PCDH15: variants seen among roughly 807,000 people sequenced by gnomAD.
PCDH15 encodes the protein protocadherin-15.
A neutral mutation model predicts 178.5 loss-of-function variants in PCDH15; 129 were observed. The observed-to-expected ratio is 0.72, with a 90% CI of 0.63 to 0.84. PCDH15 has a LOEUF of 0.84. PCDH15 is among the 40% of genes least tolerant of loss of function. The pLI is 0.00. For missense variants in PCDH15, 2,230 were observed against 2,099.9 expected (o/e 1.06, Z -1.21); for synonymous variants, 800 against 732.0 (o/e 1.09, Z -1.50).
In PCDH15 at chr10:53,861,023, G is replaced by A. The variant is rs548806619; in HGVS notation, c.3718-3760C>T. Among the ~76,000 whole-genome samples the A allele has an allele frequency of 3.9e-5, 6 of 152,072 alleles. No homozygotes were observed. The East Asian group carries it at 9.7e-4, about 25-fold the overall frequency. ...AATCTCCTGAATGTGCTAATGTCTG[G>A]TTTATGTAGAACACACACATTTTGA... On this transcript the variant is annotated intron_variant, in intron 27 of 37. Coordinates refer to ENST00000644397, the MANE Select transcript of PCDH15 (RefSeq NM_001384140.1).
intron 8 of PCDH15, among the ~76,000 whole-genome samples, chr10:54,309,785 T>C (rs1198244685): frequency 6.6e-6 from 1 of 150,892 alleles, no homozygotes; most frequent in Non-Finnish European, 1.5e-5. Context: ...AAAGTAAGAC[T>C]CCATCTCAAA....
chr10:55,107,361 A>G (rs1439354901), intron 2 of PCDH15, among the ~76,000 whole-genome samples: 1 of 152,226 alleles, frequency 6.6e-6, no homozygotes, highest in Non-Finnish European at 1.5e-5. Flanking sequence ...AGGCTTATCA[A>G]GACACTTTTA....
chr10:54,641,064 A>T (rs984468204), intron 2 of PCDH15: 1 of 276,358 alleles, frequency 3.6e-6, no homozygotes, highest in East Asian at 1.6e-4. Flanking sequence ...AGATGGTGCC[A>T]CTGCACTCCA....
At chr10:54,098,259 G>C (rs1429265711) in intron 15 of PCDH15, among the ~76,000 whole-genome samples, 2 of 150,390 alleles carry the variant, frequency 1.3e-5, no homozygotes, top group Non-Finnish European at 3.0e-5. Context: ...CAGAATACCT[G>C]TCCTAGGTTA....
chr10:54,079,566 T>C (rs923949436), intron 16 of PCDH15, 142 bp from the exon 17 acceptor site: 126 of 793,886 alleles, frequency 1.6e-4, no homozygotes, highest in Non-Finnish European at 2.4e-4. Context: ...TGTATAATAC[T>C]AAGATTCATT....
intron 25 of PCDH15, among the ~76,000 whole-genome samples, chr10:53,924,187 G>A (rs1340077074): frequency 1.3e-5 from 2 of 152,184 alleles, no homozygotes; most frequent in Non-Finnish European, 2.9e-5. Flanking sequence ...TGGAGGGAGA[G>A]GCGCAGGCGG....
At chr10:55,148,946 T>A (rs976162711) in intron 2 of PCDH15, among the ~76,000 whole-genome samples, 3 of 151,012 alleles carry the variant, frequency 2.0e-5, no homozygotes, top group African/African-American at 4.8e-5. Flanking sequence ...ACTGATTACA[T>A]CTTAGACACT....
chr10:54,323,450 AC>A (rs1408799023), intron 7 of PCDH15, among the ~76,000 whole-genome samples: 2 of 152,274 alleles, frequency 1.3e-5, no homozygotes, highest in East Asian at 3.9e-4. Flanking sequence ...ATAGCAAAAA[AC>A]ATGGAATCAA....
intron 18 of PCDH15, among the ~76,000 whole-genome samples, chr10:54,039,515 A>C (rs1335717565): frequency 2.0e-5 from 3 of 151,974 alleles, no homozygotes; most frequent in African/African-American, 7.2e-5. Context: ...ACTCTGTGGC[A>C]AGCTAGTCTG....
rs2054647894 is a variant in PCDH15 at position 54,236,581 on chromosome 10, T to C, written c.985+242A>G. ...ACTAATATGTAGGTTAATTTCCTAA[T>C]ATTTTGAATTGCTTTGCTTCTTCCA... On this transcript the variant is annotated intron_variant, in intron 9 of 37. Transcript: ENST00000644397. 3.3e-5 allele frequency among the ~76,000 whole-genome samples: 5 copies of C among 152,302 alleles called. No individual in the cohort carries two copies. In the South Asian group the frequency reaches 1.0e-3, roughly 32 times the overall value.
chr10:54,225,292 G>T (rs535404485), intron 9 of PCDH15, among the ~76,000 whole-genome samples: 1 of 152,200 alleles, frequency 6.6e-6, no homozygotes, highest in African/African-American at 2.4e-5. Context: ...TACATGATAC[G>T]TTCATATCTG....
At chr10:54,932,695 C>A (rs1293064039) in intron 2 of PCDH15, among the ~76,000 whole-genome samples, 1 of 152,036 alleles carries the variant, frequency 6.6e-6, no homozygotes, top group Non-Finnish European at 1.5e-5. Context: ...TGCCACCATG[C>A]CCAGCTAATT....
chr10:55,373,138 GA>G (rs1474027282), intron 2 of PCDH15, among the ~76,000 whole-genome samples: 1 of 152,078 alleles, frequency 6.6e-6, no homozygotes, highest in Non-Finnish European at 1.5e-5. Flanking sequence ...TAACTATGTT[GA>G]AAATTCTAAA....
chr10:54,520,442 A>G lies in PCDH15; in HGVS notation c.157+7370T>C, dbSNP rs557997569. ...ACTTCTCAAAAGAAGACATTTATGC[A>G]GCCAAAAAACACATGAAAAAATGCT... On this transcript the variant is annotated intron_variant, in intron 3 of 37. Coordinates refer to ENST00000644397, the MANE Select transcript of PCDH15 (RefSeq NM_001384140.1). Among the ~76,000 whole-genome samples the G allele has an allele frequency of 3.3e-5, 5 of 152,314 alleles. No individual in the cohort carries two copies. In the South Asian group the frequency reaches 1.0e-3, roughly 32 times the overall value.
intron 18 of PCDH15, among the ~76,000 whole-genome samples, chr10:54,036,947 A>T (rs2093430455): frequency 6.6e-6 from 1 of 152,082 alleles, no homozygotes; most frequent in Non-Finnish European, 1.5e-5. Flanking sequence ...TTCTTCCTTC[A>T]TGAATGACTC....
At chr10:54,990,061 T>G (rs1009514229) in intron 2 of PCDH15, among the ~76,000 whole-genome samples, 2 of 152,162 alleles carry the variant, frequency 1.3e-5, no homozygotes, top group Non-Finnish European at 2.9e-5. Flanking sequence ...TTGTGAGGCC[T>G]CCTCTGCCAC....
At chr10:55,233,093 A>G (rs1841272407) in intron 1 of PCDH15, among the ~76,000 whole-genome samples, 1 of 152,116 alleles carries the variant, frequency 6.6e-6, no homozygotes, top group African/African-American at 2.4e-5. Flanking sequence ...TTACATTAAA[A>G]TGATGTTATA....
Position 54,601,812 on chromosome 10 carries a change from T to C in PCDH15, c.91+62360A>G, listed in dbSNP as rs1448218123. Among the ~76,000 whole-genome samples the C allele has an allele frequency of 2.6e-5, 4 of 152,058 alleles. No homozygotes were observed. In the East Asian group the frequency reaches 7.7e-4, roughly 29 times the overall value. On this transcript the variant is annotated intron_variant, in intron 2 of 37. Transcript: ENST00000644397. ...TGCAGTCATAAAAAGAATGAGACCA[T>C]GTCCTTTGCGGTAACATGGATGGAG... is the stretch of plus-strand genomic sequence containing the variant.
intron 25 of PCDH15, among the ~76,000 whole-genome samples, chr10:53,934,943 A>G (rs2134016057): frequency 6.6e-6 from 1 of 151,772 alleles, no homozygotes; most frequent in South Asian, 2.1e-4. Context: ...ATAAAAAAAA[A>G]AAAGTCTAGA....
Sources: gnomAD v4.1 joint callset for allele counts (sites outside exome capture counted in the v4.1 genomes callset) on GRCh38, gnomAD v4.1.1 for gene constraint, MANE v1.5 for transcripts, NCBI Gene and HGNC (gene_info 2026-07-23, HGNC 2026-07-21) for gene names.